The following MSN variants were observed in gnomAD, a reference collection of about 807,000 sequenced individuals.
The protein encoded by MSN is moesin, also known as epididymis luminal protein 70.
Under a neutral mutation model 48.0 loss-of-function variants are expected in MSN, and 2 were observed. The ratio of observed to expected loss-of-function variants is 0.04; its 90% CI spans 0.02 to 0.13. The LOEUF (loss-of-function observed/expected upper bound fraction) is 0.13. MSN is among the 10% of genes least tolerant of loss of function. MSN has a pLI of 1.00. For missense variants in MSN, 267 were observed against 470.1 expected, an observed-to-expected ratio of 0.57 and a Z score of 3.99; for synonymous variants, 146 against 166.9, an observed-to-expected ratio of 0.87 and a Z score of 0.97.
intron 1 of MSN, among the ~76,000 whole-genome samples, chrX:65,635,923 C>G (rs769873850): frequency 1.7e-4 from 19 of 112,300 alleles, no homozygotes; most frequent in Non-Finnish European, 3.2e-4. Context: ...TATGTGAAAG[C>G]CAGAGAGGGC....
intron 1 of MSN, chrX:65,625,379 G>A (rs898984437): frequency 1.8e-5 from 2 of 112,013 alleles, no homozygotes; most frequent in African/African-American, 6.5e-5. Context: ...ATAGGGTATT[G>A]TGTCTTCCAC....
chrX:65,705,508 G>A (rs928380907), intron 1 of MSN, among the ~76,000 whole-genome samples: 3 of 111,840 alleles, frequency 2.7e-5, no homozygotes, highest in Non-Finnish European at 5.6e-5. Context: ...TGACTTTCAC[G>A]TGTGGAGAGA....
At chrX:65,633,522 C>T (rs2070575035) in intron 1 of MSN, among the ~76,000 whole-genome samples, 1 of 112,231 alleles carries the variant, frequency 8.9e-6, no homozygotes, top group East Asian at 2.8e-4. Flanking sequence ...AATTCACTGC[C>T]CCAGTGTGAC....
intron 2 of MSN, among the ~76,000 whole-genome samples, 184 bp from the exon 3 acceptor site, chrX:65,727,630 C>G (rs1038865743): frequency 1.8e-5 from 2 of 112,152 alleles, no homozygotes; most frequent in African/African-American, 6.5e-5. Context: ...CTCAGCAGTA[C>G]TTTGTGCAGA....
intron 7 of MSN, among the ~76,000 whole-genome samples, chrX:65,734,722 G>A (rs1380268541): frequency 8.9e-6 from 1 of 112,152 alleles, no homozygotes; most frequent in Non-Finnish European, 1.9e-5. Flanking sequence ...ACCAGGACAA[G>A]CAGTGATCAG....
intron 1 of MSN, among the ~76,000 whole-genome samples, chrX:65,700,978 C>A (rs1042226168): frequency 9.0e-6 from 1 of 111,394 alleles, no homozygotes; most frequent in African/African-American, 3.3e-5. Flanking sequence ...ATTTTAGACT[C>A]CTACCCTCAC....
chrX:65,731,778 T>TAG (rs2071624809), intron 5 of MSN, 60 bp from the exon 6 acceptor site: 1 of 1,148,568 alleles, frequency 8.7e-7, no homozygotes, highest in Non-Finnish European at 1.2e-6. Flanking sequence ...GCAGGCTTTC[T>TAG]ATCTCCTTGG....
chrX:65,695,703 TG>T (rs2071229656), intron 1 of MSN, among the ~76,000 whole-genome samples: 1 of 110,055 alleles, frequency 9.1e-6, no homozygotes, highest in Admixed American at 9.7e-5. Context: ...TAGTCTATCT[TG>T]CCTGGCTTTG....
chrX:65,682,178 G>A (rs2071062884), intron 1 of MSN, among the ~76,000 whole-genome samples: 1 of 112,096 alleles, frequency 8.9e-6, no homozygotes, highest in East Asian at 2.8e-4. Context: ...CTGGTCTGAA[G>A]CCTGCCATGT....
In MSN at chrX:65,697,802, T is replaced by C. The variant is rs1329805262; in HGVS notation, c.13-19016T>C. ...TAAGTTAAATTGTCAATTTGTGTTT[T>C]TCCAGAAAATTTCTTTTTCCAGAAG... On this transcript the variant is annotated intron_variant, in intron 1 of 12. Transcript: ENST00000360270. 2.7e-5 allele frequency among the ~76,000 whole-genome samples: 3 copies of C among 112,620 alleles called. No individual in the cohort carries two copies. In the Admixed American group the frequency reaches 2.8e-4, roughly 11 times the overall value.
intron 1 of MSN, among the ~76,000 whole-genome samples, chrX:65,604,932 CA>C (rs2070266625): frequency 8.9e-6 from 1 of 111,736 alleles, no homozygotes. Context: ...ACCCAGCATT[CA>C]GAGTGATCAT....
chrX:65,679,277 G>A (rs1427519958), intron 1 of MSN, among the ~76,000 whole-genome samples: 2 of 111,983 alleles, frequency 1.8e-5, no homozygotes, highest in Non-Finnish European at 3.8e-5. Flanking sequence ...AGCTAAAACT[G>A]AGGACATATG....
chrX:65,639,364 C>T (rs897392438), intron 1 of MSN, among the ~76,000 whole-genome samples: 4 of 111,778 alleles, frequency 3.6e-5, no homozygotes, highest in Non-Finnish European at 5.6e-5. Flanking sequence ...AGGCTGGTCT[C>T]GAACTCATGA....
At chrX:65,726,829 A>G (rs2071572267) in intron 2 of MSN, among the ~76,000 whole-genome samples, 1 of 111,473 alleles carries the variant, frequency 9.0e-6, no homozygotes, top group Non-Finnish European at 1.9e-5. Context: ...CCTCATTAGG[A>G]TGTGGCTCAG....
At chrX:65,671,761 G>C (rs1478377806) in intron 1 of MSN, among the ~76,000 whole-genome samples, 1 of 111,882 alleles carries the variant, frequency 8.9e-6, no homozygotes, top group African/African-American at 3.3e-5. Flanking sequence ...GGGGGCTGGT[G>C]GGGCAGGAAG....
At chrX:65,677,519 A>C (rs771261071) in intron 1 of MSN, among the ~76,000 whole-genome samples, 1 of 112,116 alleles carries the variant, frequency 8.9e-6, no homozygotes, top group African/African-American at 3.2e-5. Flanking sequence ...GCACTTTGAG[A>C]GGCTGAGGCA....
chrX:65,656,534 A>C (rs1462101517), intron 1 of MSN, among the ~76,000 whole-genome samples: 2 of 111,599 alleles, frequency 1.8e-5, no homozygotes, highest in Non-Finnish European at 3.8e-5. Context: ...GGTTATGCCT[A>C]GAAGTGTTCT....
At chrX:65,591,154 C>T (rs1483993445) in intron 1 of MSN, among the ~76,000 whole-genome samples, 1 of 111,513 alleles carries the variant, frequency 9.0e-6, no homozygotes, top group African/African-American at 3.3e-5. Flanking sequence ...CTTGTTCATA[C>T]ACTCCATTCT....
At chrX:65,618,537 T>A (rs2070399451) in intron 1 of MSN, among the ~76,000 whole-genome samples, 1 of 111,591 alleles carries the variant, frequency 9.0e-6, no homozygotes, top group African/African-American at 3.3e-5. Flanking sequence ...AACCCCTTCC[T>A]TTTTTGGTTT....
Sources: gnomAD v4.1 joint callset for allele counts (sites outside exome capture counted in the v4.1 genomes callset) on GRCh38, gnomAD v4.1.1 for gene constraint, MANE v1.5 for transcripts, NCBI Gene and HGNC (gene_info 2026-07-23, HGNC 2026-07-21) for gene names.